The following BTBD2 variants were observed in gnomAD, a reference collection of about 807,000 sequenced individuals.
BTBD2 encodes the protein BTB/POZ domain-containing protein 2.
BTBD2 carries 15 observed loss-of-function variants against 44.0 expected under a neutral mutation model. The observed-to-expected ratio is 0.34, with a 90% CI of 0.23 to 0.53. The LOEUF is 0.53. Among genes scored for constraint, BTBD2 ranks in the 20% least tolerant of loss-of-function variants. The pLI is 0.95. For synonymous variants in BTBD2, 443 were observed against 335.9 expected (o/e 1.32, Z -3.49); for missense variants, 657 against 746.4 (o/e 0.88, Z 1.39).
At position 1,987,519 on chromosome 19, in the gene BTBD2, C is replaced by A; in HGVS notation, c.1162G>T (p.Gly388Trp). ...CCCCACCTGATGCGGTCACTGGTCC[C>A]GCTGTAGCCCCAGCGACTCTCCACC... is the stretch of plus-strand genomic sequence containing the variant. ...QQVESRWGYS[G>W]TSDRIRFSVN... Residue 388 changes from glycine to tryptophan, a missense_variant, in exon 6 of 9, where the codon GGG becomes TGG. Physicochemically the swap from Gly to Trp is radical, Grantham distance 184. Around this residue, in one of 3 missense-constraint regions of BTBD2, gnomAD observed 449 missense variants for 510.9 expected, o/e 0.88. Transcript: ENST00000255608. 1.3e-6 allele frequency: 2 copies of A among 1,594,212 alleles called. No homozygotes were observed. The highest frequency in any genetic ancestry group is 4.6e-5 in the East Asian group (2 of 43,682).
At chr19:2,000,242 T>G (rs1033692491) in intron 1 of BTBD2, among the ~76,000 whole-genome samples, 26 of 152,090 alleles carry the variant, frequency 1.7e-4, no homozygotes, top group African/African-American at 5.8e-4. Context: ...TCTGCCCTCC[T>G]GGCCGCGTCC....
Position 2,015,389 on chromosome 19 carries a change from C to T in BTBD2, c.315G>A (p.Glu105=), listed in dbSNP as rs771413551. Residue 105 remains glutamate, a synonymous_variant, in exon 1 of 9, where the codon GAG becomes GAA. Coordinates refer to ENST00000255608, the MANE Select transcript of BTBD2 (RefSeq NM_017797.4). ...NWQASKPTVQ[E]RFAFLFNNEV... is the part of the protein sequence containing the mutation. ...CGTTGTTGAAGAGGAAGGCGAAGCGCTCCTGCACGGTGGGCTTGCTGGCCT... is the reference window on the plus strand; with the variant it reads ...CGTTGTTGAAGAGGAAGGCGAAGCGTTCCTGCACGGTGGGCTTGCTGGCCT... 1 of 1,569,496 alleles carries T rather than the reference C, an allele frequency of 6.4e-7. No homozygotes were observed.
intron 2 of BTBD2, among the ~76,000 whole-genome samples, chr19:1,996,505 T>C (rs1196405481): frequency 6.7e-6 from 1 of 149,930 alleles, no homozygotes; most frequent in African/African-American, 2.5e-5. Flanking sequence ...TGTTATTTTT[T>C]GTTTGTGTAC....
In BTBD2 at chr19:1,986,980, C is replaced by T. The variant is rs1230804718; in HGVS notation, c.1270-4G>A. The stretch of plus-strand genomic sequence containing the variant: ...TGTTGCTATCGGTGTGAATAATCTG[C>T]GGGGAGGTGGGAAGTGGGAGGCTCA... On this transcript the variant is annotated splice_region_variant and splice_polypyrimidine_tract_variant and intron_variant, in intron 7 of 8. Transcript: ENST00000255608. The T allele has an allele frequency of 1.4e-5, 22 of 1,609,688 alleles. No individual in the cohort carries two copies. Among genetic ancestry groups the T allele is most frequent in the East Asian group, 1.3e-4 (6 of 44,804 alleles).
chr19:1,994,886 T>C (rs1194440004), intron 2 of BTBD2, among the ~76,000 whole-genome samples: 1 of 152,274 alleles, frequency 6.6e-6, no homozygotes, highest in East Asian at 1.9e-4. Context: ...TCTTTGTTTA[T>C]TCTTTTCTTG....
At chr19:1,994,256 C>T (rs1184811708) in intron 2 of BTBD2, among the ~76,000 whole-genome samples, 1 of 151,500 alleles carries the variant, frequency 6.6e-6, no homozygotes, top group East Asian at 1.9e-4. Context: ...GCGGAGGTTG[C>T]AGTGAGCCAA....
chr19:1,990,620 T>G, intron 4 of BTBD2, 97 bp downstream of exon 4: 1 of 1,163,570 alleles, frequency 8.6e-7, no homozygotes, highest in Non-Finnish European at 1.2e-6. Context: ...AGCTCACCTG[T>G]GCAACTCCCC....
At chr19:1,995,840 A>G (rs1188636906) in intron 2 of BTBD2, among the ~76,000 whole-genome samples, 1 of 151,712 alleles carries the variant, frequency 6.6e-6, no homozygotes, top group Non-Finnish European at 1.5e-5. Context: ...TATTTTTAAT[A>G]GAGACGAGGT....
intron 2 of BTBD2, among the ~76,000 whole-genome samples, chr19:1,993,995 CAAAAAAAAAAAAAAAAAAA>C (rs542137742): frequency 8.0e-5 from 2 of 24,960 alleles, no homozygotes; most frequent in East Asian, 1.5e-3. Context: ...GAATCCGTCT[CAAAAAAAAAAAAAAAAAAA>C]AAAAAAAAAA....
intron 1 of BTBD2, among the ~76,000 whole-genome samples, chr19:2,009,031 T>C (rs2016429154): frequency 6.6e-6 from 1 of 151,394 alleles, no homozygotes; most frequent in Non-Finnish European, 1.5e-5. Context: ...TTTTTTTTTT[T>C]TTTCCAAGAC....
chr19:1,999,683 A>T (rs8111312), intron 1 of BTBD2, among the ~76,000 whole-genome samples: 11 of 151,020 alleles, frequency 7.3e-5, no homozygotes, highest in Middle Eastern at 3.4e-3. Flanking sequence ...AAAAAAGGCC[A>T]GGTGCAGTGG....
chr19:2,000,151 C>T (rs2016310300), intron 1 of BTBD2, among the ~76,000 whole-genome samples: 1 of 152,104 alleles, frequency 6.6e-6, no homozygotes, highest in Admixed American at 6.6e-5. Flanking sequence ...ATCCATGGTC[C>T]TGGGCTCCGG....
intron 1 of BTBD2, among the ~76,000 whole-genome samples, chr19:2,003,765 C>T (rs1264725262): frequency 2.3e-5 from 3 of 130,200 alleles, no homozygotes; most frequent in Non-Finnish European, 4.8e-5. Context: ...AAACGAAACT[C>T]CGTCAAAGAA....
At chr19:2,008,790 C>A (rs189029029) in intron 1 of BTBD2, among the ~76,000 whole-genome samples, 20 of 151,746 alleles carry the variant, frequency 1.3e-4, no homozygotes, top group Non-Finnish European at 1.9e-4. Flanking sequence ...AGACTGGTCT[C>A]GAACTCCTGG....
intron 2 of BTBD2, 30 bp from the exon 3 acceptor site, chr19:1,993,206 T>TG: frequency 6.3e-7 from 1 of 1,577,324 alleles, no homozygotes. Flanking sequence ...GGCCGTGAGG[T>TG]GGGACCGCCA....
In BTBD2 at chr19:1,990,134, A is replaced by G. The variant is rs1246224932; in HGVS notation, c.858T>C (p.Val286=). The stretch of plus-strand genomic sequence containing the variant: ...GACACTCGGCCTCGGACCAGCGGAC[A>G]ACGGCATTGAACAGCCGCACCTCAC... ...GIREVRLFNA[V]VRWSEAECQR... Residue 286 remains valine (V), a synonymous_variant, in exon 5 of 9, where the codon GTT becomes GTC. Coordinates refer to ENST00000255608, the MANE Select transcript of BTBD2 (RefSeq NM_017797.4). 5 of 1,612,248 alleles carry G rather than the reference A, an allele frequency of 3.1e-6. No individual in the cohort carries two copies. Among genetic ancestry groups the G allele is most frequent in the Admixed American group, 3.3e-5 (2 of 59,946 alleles).
chr19:1,997,270 A>T (rs1009693931), intron 2 of BTBD2, 74 bp downstream of exon 2: 3 of 1,596,590 alleles, frequency 1.9e-6, no homozygotes, highest in Non-Finnish European at 2.6e-6. Context: ...AGCTGGTGTC[A>T]GACAGGGTCT....
chr19:2,014,997 G>C, intron 1 of BTBD2, among the ~76,000 whole-genome samples: 1 of 150,732 alleles, frequency 6.6e-6, no homozygotes, highest in Non-Finnish European at 1.5e-5. Context: ...GTGGAGTCTA[G>C]GGATGGAAGG....
At position 1,987,265 on chromosome 19, in the gene BTBD2, G is replaced by C. The variant is rs202061278; in HGVS notation, c.1182-12C>G. Reference sequence around the variant, plus strand: ...TGTTGACTGAGAACCTGCCGTGGCAGATGACAGGCAGCAGCGTGGATACCC... The same window carrying C: ...TGTTGACTGAGAACCTGCCGTGGCACATGACAGGCAGCAGCGTGGATACCC... On this transcript the variant is annotated splice_polypyrimidine_tract_variant and intron_variant, in intron 6 of 8. Coordinates refer to ENST00000255608, the MANE Select transcript of BTBD2 (RefSeq NM_017797.4). 218 of 1,613,590 alleles carry C rather than the reference G, an allele frequency of 1.4e-4. No individual in the cohort carries two copies. The African/African-American group carries it at 2.6e-3, about 19-fold the overall frequency.
Sources: allele counts gnomAD v4.1 joint callset (sites outside exome capture counted in the v4.1 genomes callset), GRCh38; gene constraint gnomAD v4.1.1; regional missense constraint gnomAD v4.1.1; transcripts MANE v1.5; gene names NCBI Gene and HGNC (gene_info 2026-07-23, HGNC 2026-07-21).